Variants in ARHGAP15 observed in about 807,000 individuals in gnomAD.
ARHGAP15 encodes rho GTPase-activating protein 15.
In ARHGAP15, 51 loss-of-function variants were observed where a neutral mutation model predicts 63.7. The observed-to-expected ratio is 0.80, with a 90% confidence interval of 0.64 to 1.01. ARHGAP15 has a LOEUF of 1.01. ARHGAP15 is among the 50% of genes least tolerant of loss of function. The pLI is 0.00. For missense variants in ARHGAP15, 560 were observed against 564.6 expected, an observed-to-expected ratio of 0.99 and a Z score of 0.08; for synonymous variants, 191 against 193.8, an observed-to-expected ratio of 0.99 and a Z score of 0.12.
At chr2:143,456,783 ATTTG>A (rs1486825458) in intron 8 of ARHGAP15, among the ~76,000 whole-genome samples, 1 of 151,544 alleles carries the variant, frequency 6.6e-6, no homozygotes, top group African/African-American at 2.4e-5. Flanking sequence ...TTTAAGTTTT[ATTTG>A]TTATTATATA....
At chr2:143,282,248 C>A (rs967695730) in intron 6 of ARHGAP15, among the ~76,000 whole-genome samples, 1 of 152,000 alleles carries the variant, frequency 6.6e-6, no homozygotes, top group African/African-American at 2.4e-5. Context: ...ATTACAGAAG[C>A]ACCAAAAATA....
chr2:143,620,911 A>G (rs1004744711), intron 11 of ARHGAP15, among the ~76,000 whole-genome samples: 53 of 152,214 alleles, frequency 3.5e-4, no homozygotes, highest in African/African-American at 1.3e-3. Flanking sequence ...TTTGTCAAGA[A>G]TAATTACCAA....
intron 6 of ARHGAP15, among the ~76,000 whole-genome samples, chr2:143,385,060 C>T (rs1687219818): frequency 6.6e-6 from 1 of 152,116 alleles, no homozygotes; most frequent in African/African-American, 2.4e-5. Flanking sequence ...CTCATAAATT[C>T]ACCATGTAAA....
intron 8 of ARHGAP15, among the ~76,000 whole-genome samples, chr2:143,454,325 ACT>A (rs1310832778): frequency 6.6e-6 from 1 of 151,978 alleles, no homozygotes; most frequent in African/African-American, 2.4e-5. Flanking sequence ...AGATACCTTT[ACT>A]CTTTCAATAT....
chr2:143,155,552 C>A lies in ARHGAP15; in HGVS notation c.62C>A (p.Thr21Lys). 6.2e-7 allele frequency: 1 copy of A among 1,609,698 alleles called. No individual in the cohort carries two copies. The highest frequency in any genetic ancestry group is 2.2e-5 in the East Asian group (1 of 44,670). ...VETLNSTRQGTGAVQMRIKNA... is the reference protein window; with the variant it reads ...VETLNSTRQGKGAVQMRIKNA... ...ACACTGAATTCTACCCGCCAAGGCA[C>A]AGGAGCTGTGCAAATGAGAATCAAA... Residue 21 changes from threonine to lysine, a missense_variant, in exon 2 of 14, where the codon ACA (threonine) becomes AAA (lysine). Transcript: ENST00000295095.
chr2:143,365,162 C>T (rs1686242545), intron 6 of ARHGAP15, among the ~76,000 whole-genome samples: 1 of 152,196 alleles, frequency 6.6e-6, no homozygotes, highest in Non-Finnish European at 1.5e-5. Flanking sequence ...GCATGTAAAA[C>T]AACTGACCAC....
intron 12 of ARHGAP15, among the ~76,000 whole-genome samples, chr2:143,696,274 G>T (rs1025962110): frequency 1.3e-5 from 2 of 151,812 alleles, no homozygotes; most frequent in African/African-American, 4.8e-5. Context: ...TGCCCCTCCA[G>T]ATTGTAAAAT....
At chr2:143,278,390 A>C (rs943951883) in intron 6 of ARHGAP15, among the ~76,000 whole-genome samples, 2 of 152,104 alleles carry the variant, frequency 1.3e-5, no homozygotes, top group African/African-American at 2.4e-5. Flanking sequence ...CTAACCCTAT[A>C]ACCTGCGAGA....
chr2:143,135,313 A>G (rs1313269582), intron 1 of ARHGAP15, among the ~76,000 whole-genome samples: 1 of 152,228 alleles, frequency 6.6e-6, no homozygotes, highest in Non-Finnish European at 1.5e-5. Flanking sequence ...TATCCTTGTC[A>G]GTAACACACA....
chr2:143,455,775 G>A (rs1690620488), intron 8 of ARHGAP15, among the ~76,000 whole-genome samples: 1 of 152,024 alleles, frequency 6.6e-6, no homozygotes, highest in South Asian at 2.1e-4. Flanking sequence ...CATCTATGGA[G>A]TATTAAGTAG....
In ARHGAP15 at chr2:143,250,556, A is replaced by G. The variant is rs914337284; in HGVS notation, c.430A>G (p.Ile144Val). Residue 144 changes from isoleucine (I) to valine (V), a missense_variant, in exon 6 of 14, where the codon ATT becomes GTT. By Grantham distance (29) the Ile-to-Val change is conservative (BLOSUM62 3). Coordinates refer to ENST00000295095, the MANE Select transcript of ARHGAP15 (RefSeq NM_018460.4). ...PESVDLCGAH[I>V]EWAKEKSSRK... is the part of the protein sequence containing the mutation. ...AAGTGTGGATTTGTGTGGAGCACAC[A>G]TTGAATGGGCCAAGGAAAAATCGAG... 3 of 1,613,396 alleles carry G rather than the reference A, an allele frequency of 1.9e-6. No homozygotes were observed. The South Asian group carries it at 3.3e-5, about 18-fold the overall frequency.
rs779731753 is a variant in ARHGAP15 at position 143,768,041 on chromosome 2, G to A, written c.1297G>A (p.Val433Ile). The change falls in exon 14 of 14, where the codon GTA (valine) becomes ATA (isoleucine). Residue 433 changes from valine to isoleucine, a missense_variant. Physicochemically the swap from Val to Ile is conservative, Grantham distance 29. Transcript: ENST00000295095. ...NLMSTQSLGI[V>I]FGPTLLRAEN... ...CATGTCCACGCAAAGCTTGGGGATT[G>A]TATTTGGACCTACCCTTCTGCGAGC... 6.2e-7 allele frequency: 1 copy of A among 1,613,668 alleles called. No homozygotes were observed. Among genetic ancestry groups the A allele is most frequent in the Non-Finnish European group, 8.5e-7 (1 of 1,179,764 alleles).
At chr2:143,732,390 A>G (rs1685574815) in intron 13 of ARHGAP15, among the ~76,000 whole-genome samples, 1 of 152,146 alleles carries the variant, frequency 6.6e-6, no homozygotes, top group African/African-American at 2.4e-5. Context: ...TTTTAAGTAT[A>G]TTTTAACTTT....
At chr2:143,495,507 A>T (rs577687429) in intron 9 of ARHGAP15, among the ~76,000 whole-genome samples, 19 of 152,336 alleles carry the variant, frequency 1.2e-4, no homozygotes, top group Non-Finnish European at 2.2e-4. Flanking sequence ...CTGCTGGAAC[A>T]TTTAAGTAAT....
intron 11 of ARHGAP15, chr2:143,608,459 C>A (rs998831909): frequency 8.5e-5 from 13 of 152,258 alleles, no homozygotes; most frequent in African/African-American, 2.2e-4. Flanking sequence ...CAGGCCCACA[C>A]GTCTTTGTTG....
At chr2:143,278,014 T>C (rs1681647959) in intron 6 of ARHGAP15, among the ~76,000 whole-genome samples, 1 of 152,206 alleles carries the variant, frequency 6.6e-6, no homozygotes, top group Non-Finnish European at 1.5e-5. Context: ...TTGTATTTGT[T>C]ACATTTATAT....
chr2:143,554,980 A>G (rs1000832282), intron 10 of ARHGAP15, among the ~76,000 whole-genome samples: 1 of 152,196 alleles, frequency 6.6e-6, no homozygotes, highest in African/African-American at 2.4e-5. Context: ...ACAGAGTCTC[A>G]GTAATTTCTT....
At chr2:143,582,474 A>G (rs1696949505) in intron 11 of ARHGAP15, among the ~76,000 whole-genome samples, 3 of 152,176 alleles carry the variant, frequency 2.0e-5, no homozygotes, top group African/African-American at 7.2e-5. Context: ...GAGGAGGGGC[A>G]TTGATAAATC....
chr2:143,493,599 C>G (rs1692682325), intron 9 of ARHGAP15, among the ~76,000 whole-genome samples: 1 of 152,230 alleles, frequency 6.6e-6, no homozygotes, highest in Non-Finnish European at 1.5e-5. Flanking sequence ...TATGTGCTTT[C>G]ATTCTCTCAA....
Sources: gnomAD v4.1 joint callset for allele counts (sites outside exome capture counted in the v4.1 genomes callset) on GRCh38, gnomAD v4.1.1 for gene constraint, MANE v1.5 for transcripts, NCBI Gene and HGNC (gene_info 2026-07-23, HGNC 2026-07-21) for gene names.